The following ZYG11A variants were observed in gnomAD, a reference collection of about 807,000 sequenced individuals.
ZYG11A encodes zyg-11 family member A, cell cycle regulator, also known as protein zyg-11 homolog A.
In ZYG11A, 62 loss-of-function variants were observed where a neutral mutation model predicts 77.2. The observed-to-expected ratio is 0.80, with a 90% CI of 0.65 to 0.99. ZYG11A has a LOEUF of 0.99. ZYG11A is among the 50% of genes least tolerant of loss of function. The probability of loss-of-function intolerance (pLI) is 0.00; values close to 1 mark genes in which losing one functional copy is unlikely to be tolerated. For missense variants in ZYG11A, 828 were observed against 896.8 expected (o/e 0.92, Z 0.98); for synonymous variants, 315 against 324.6 (o/e 0.97, Z 0.32).
chr1:52,873,614 AC>A (rs1646208399), intron 8 of ZYG11A, among the ~76,000 whole-genome samples: 2 of 152,220 alleles, frequency 1.3e-5, no homozygotes. Context: ...TGGAATGACA[AC>A]AAAGGACTTT....
In ZYG11A at chr1:52,877,813, A is replaced by G; in HGVS notation, c.1674A>G (p.Gln558=). The change falls in exon 9 of 14, where the codon CAA becomes CAG. Residue 558 remains glutamine, a synonymous_variant. Transcript: ENST00000371528. The part of the protein sequence containing the change: ...PAACKHFIEN[Q]GLQIFIQVLE... ...CCTGCAAGCACTTCATTGAAAATCA[A>G]GGATTGCAAATCTTCATCCAAGTCT... is the stretch of plus-strand genomic sequence containing the variant. 3.2e-6 allele frequency: 5 copies of G among 1,551,590 alleles called. No individual in the cohort carries two copies. The highest frequency in any genetic ancestry group is 4.4e-6 in the Non-Finnish European group (5 of 1,146,958).
rs5774129 is a variant in ZYG11A at position 52,847,835 on chromosome 1, A to AATTTATTT, written c.90+4903_90+4910dup. On this transcript the variant is annotated intron_variant, in intron 1 of 13. Transcript: ENST00000371528. ...CAGGTGTGTGCCACCACGCCTTGCTAATTTATTTATTTATTTATTTATTTA... is the reference window on the plus strand; with the variant it reads ...CAGGTGTGTGCCACCACGCCTTGCTAATTTATTTATTTATTTATTTATTTATTTATTTA... 9.2e-3 allele frequency among the ~76,000 whole-genome samples: 1,102 copies of AATTTATTT among 119,318 alleles called. 12 individuals are homozygous for AATTTATTT. The highest frequency in any genetic ancestry group is 0.016 in the East Asian group (67 of 4,096). The allele number at this position is 119,318 out of a possible 152,430, so 78.3% of individuals were successfully genotyped here. A position where few individuals can be genotyped will look rare whatever the true frequency, so the allele number is the denominator to read the frequency against.
intron 3 of ZYG11A, among the ~76,000 whole-genome samples, chr1:52,858,943 C>T (rs1182638383): frequency 6.6e-6 from 1 of 152,120 alleles, no homozygotes; most frequent in Non-Finnish European, 1.5e-5. Context: ...GTAACTCTTT[C>T]TTTATAATAA....
intron 4 of ZYG11A, among the ~76,000 whole-genome samples, chr1:52,862,155 G>A (rs890624344): frequency 4.6e-5 from 7 of 151,694 alleles, no homozygotes; most frequent in Admixed American, 6.6e-5. Context: ...GTTGCAGTGA[G>A]CCGAGATGAT....
At chr1:52,870,366 C>T (rs982104023) in intron 8 of ZYG11A, among the ~76,000 whole-genome samples, 5 of 151,612 alleles carry the variant, frequency 3.3e-5, no homozygotes, top group African/African-American at 1.2e-4. Context: ...AGACGCTCCT[C>T]ACTTTCCAGA....
rs778518428 is a variant in ZYG11A, at chr1:52,894,573, T to C, written c.*1616T>C. On this transcript the variant is annotated 3_prime_UTR_variant, in exon 14 of 14. Coordinates refer to ENST00000371528, the MANE Select transcript of ZYG11A (RefSeq NM_001004339.3). ...ATAAAAGTAAATTTCTGTTAGCACA[T>C]TTTAGGATTAGATTTTTGTGCTTTT... 9 of 152,342 alleles carry C rather than the reference T, an allele frequency of 5.9e-5. No individual in the cohort carries two copies. The highest frequency in any genetic ancestry group is 4.1e-4 in the South Asian group (2 of 4,832). 9.4% of individuals were successfully genotyped at this position (152,342 alleles called of 1,614,324 possible). A position where few individuals can be genotyped will look rare whatever the true frequency, so the allele number is the denominator to read the frequency against.
intron 11 of ZYG11A, among the ~76,000 whole-genome samples, chr1:52,882,423 T>A (rs1252306078): frequency 2.0e-5 from 3 of 152,206 alleles, no homozygotes; most frequent in Admixed American, 1.3e-4. Flanking sequence ...TCTGCTTGTT[T>A]TGTACACCGT....
chr1:52,884,511 G>T (rs921158093), intron 11 of ZYG11A, among the ~76,000 whole-genome samples: 1 of 143,926 alleles, frequency 6.9e-6, no homozygotes, highest in African/African-American at 2.5e-5. Flanking sequence ...AAAAAAAGCC[G>T]GGCGTGGTGG....
chr1:52,876,543 C>T (rs889265339), intron 8 of ZYG11A, among the ~76,000 whole-genome samples: 2 of 152,110 alleles, frequency 1.3e-5, no homozygotes, highest in Non-Finnish European at 2.9e-5. Flanking sequence ...AGTAATAGTG[C>T]ACAGTTATTT....
At chr1:52,874,458 C>T (rs1319018642) in intron 8 of ZYG11A, among the ~76,000 whole-genome samples, 1 of 151,822 alleles carries the variant, frequency 6.6e-6, no homozygotes, top group Non-Finnish European at 1.5e-5. Flanking sequence ...AGCCGTGTCA[C>T]TCAGGTTGGT....
chr1:52,875,856 A>G (rs753382553), intron 8 of ZYG11A, among the ~76,000 whole-genome samples: 89 of 150,720 alleles, frequency 5.9e-4, no homozygotes, highest in Non-Finnish European at 1.1e-3. Context: ...TTCTCAATGA[A>G]AAAGATGAAA....
chr1:52,854,673 A>G, intron 2 of ZYG11A, 43 bp downstream of exon 2: 1 of 1,433,398 alleles, frequency 7.0e-7, no homozygotes, highest in African/African-American at 1.4e-5. Flanking sequence ...GCAGTACTTT[A>G]CTATTTGAAA....
intron 5 of ZYG11A, among the ~76,000 whole-genome samples, chr1:52,864,484 G>A (rs1645986816): frequency 6.6e-6 from 1 of 152,056 alleles, no homozygotes; most frequent in Non-Finnish European, 1.5e-5. Flanking sequence ...GGCCTCATGA[G>A]CCATGGCATA....
intron 1 of ZYG11A, among the ~76,000 whole-genome samples, chr1:52,846,361 TA>T (rs1645584333): frequency 1.9e-5 from 2 of 106,108 alleles, no homozygotes; most frequent in African/African-American, 4.0e-5. Context: ...TATATATATA[TA>T]TATATTTTGA....
intron 3 of ZYG11A, among the ~76,000 whole-genome samples, chr1:52,859,303 GTCCGTATA>G (rs955619492): frequency 2.6e-5 from 4 of 151,380 alleles, no homozygotes; most frequent in South Asian, 2.1e-4. Flanking sequence ...AAAATCGGGT[GTCCGTATA>G]TGTGTGAGTC....
At chr1:52,878,714 G>A (rs1646305581) in intron 10 of ZYG11A, among the ~76,000 whole-genome samples, 1 of 151,878 alleles carries the variant, frequency 6.6e-6, no homozygotes, top group African/African-American at 2.4e-5. Context: ...CGAGGTGGGT[G>A]GATCACCTGA....
intron 8 of ZYG11A, among the ~76,000 whole-genome samples, chr1:52,869,964 ACC>A (rs544972436): frequency 7.8e-5 from 4 of 51,348 alleles, no homozygotes; most frequent in South Asian, 8.3e-4. Context: ...CGGGGGGCTG[ACC>A]CCCCCCCACC....
rs997265694 is a variant in ZYG11A, at chr1:52,857,591, C to T, written c.850C>T (p.Leu284=). 1 of 1,551,984 alleles carries T rather than the reference C, an allele frequency of 6.4e-7. No homozygotes were observed. Among genetic ancestry groups the T allele is most frequent in the African/African-American group, 1.4e-5 (1 of 73,166 alleles). ...TCATTTGCTACAGCAGAAGGATATC[C>T]TGCCCAATGTTGTGTCATTGGATAT... is the stretch of plus-strand genomic sequence containing the variant. ...AFHLLQQKDI[L]PNVVSLDISG... is the part of the protein sequence containing the mutation. The change falls in exon 3 of 14, where the codon CTG becomes TTG. Residue 284 remains leucine, a synonymous_variant. Coordinates refer to ENST00000371528, the MANE Select transcript of ZYG11A (RefSeq NM_001004339.3).
intron 8 of ZYG11A, among the ~76,000 whole-genome samples, chr1:52,873,707 C>A (rs1421732568): frequency 6.6e-6 from 1 of 152,034 alleles, no homozygotes; most frequent in Non-Finnish European, 1.5e-5. Context: ...AGTTCTAGGC[C>A]AGGTGCGGTG....
Sources: gnomAD v4.1 joint callset for allele counts (sites outside exome capture counted in the v4.1 genomes callset) on GRCh38, gnomAD v4.1.1 for gene constraint, MANE v1.5 for transcripts, NCBI Gene and HGNC (gene_info 2026-07-23, HGNC 2026-07-21) for gene names.